Variants in SCHIP1 observed in about 807,000 individuals in gnomAD.
SCHIP1 encodes the protein schwannomin interacting protein 1, also known as schwannomin-interacting protein 1.
A neutral mutation model predicts 29.7 loss-of-function variants in SCHIP1; 8 were observed. The ratio of observed to expected loss-of-function variants is 0.27; its 90% CI spans 0.16 to 0.49. The LOEUF is 0.49. Among genes scored for constraint, SCHIP1 ranks in the 20% least tolerant of loss-of-function variants. The pLI is 0.99. For synonymous variants in SCHIP1, 76 were observed against 94.9 expected (o/e 0.80, Z 1.16); for missense variants, 193 against 294.6 (o/e 0.66, Z 2.52).
At chr3:159,489,799 T>C in the SCHIP1 span, among the ~76,000 whole-genome samples, 10 of 152,126 alleles carry the variant, frequency 6.6e-5, no homozygotes, top group African/African-American at 2.4e-4. Flanking sequence ...ACAGAGCTAA[T>C]AGAAAGAATT....
the SCHIP1 span, among the ~76,000 whole-genome samples, chr3:159,362,132 A>G: frequency 9.9e-5 from 15 of 152,206 alleles, no homozygotes; most frequent in African/African-American, 3.1e-4. Context: ...TAAAAGTACC[A>G]GCTGAAGATA....
chr3:159,287,528 A>G, the SCHIP1 span, among the ~76,000 whole-genome samples: 4 of 151,954 alleles, frequency 2.6e-5, no homozygotes, highest in Non-Finnish European at 4.4e-5. Context: ...TTTTTATATT[A>G]TTATTGGAGA....
the SCHIP1 span, among the ~76,000 whole-genome samples, chr3:159,685,785 C>T: frequency 6.6e-6 from 1 of 152,134 alleles, no homozygotes; most frequent in East Asian, 1.9e-4. Flanking sequence ...TGATGTCCAG[C>T]AATGATGGGC....
chr3:159,723,871 C>G, the SCHIP1 span, among the ~76,000 whole-genome samples: 1 of 152,190 alleles, frequency 6.6e-6, no homozygotes, highest in Non-Finnish European at 1.5e-5. Context: ...GAACCTTGAC[C>G]AAAACACTGT....
the SCHIP1 span, among the ~76,000 whole-genome samples, chr3:159,638,436 G>A: frequency 6.6e-6 from 1 of 152,114 alleles, no homozygotes; most frequent in Non-Finnish European, 1.5e-5. Context: ...CCCCTAAGTG[G>A]AGCACATTAG....
the SCHIP1 span, among the ~76,000 whole-genome samples, chr3:159,468,094 G>C: frequency 6.6e-6 from 1 of 152,054 alleles, no homozygotes; most frequent in Non-Finnish European, 1.5e-5. Context: ...ATTTGTCAAA[G>C]TCTATATTAT....
chr3:159,691,698 T>C, the SCHIP1 span, among the ~76,000 whole-genome samples: 1 of 152,182 alleles, frequency 6.6e-6, no homozygotes, highest in African/African-American at 2.4e-5. Flanking sequence ...ATAGTGTCAA[T>C]GGTCTTTACA....
At chr3:159,327,764 C>T in the SCHIP1 span, among the ~76,000 whole-genome samples, 1 of 152,088 alleles carries the variant, frequency 6.6e-6, no homozygotes, top group Non-Finnish European at 1.5e-5. Flanking sequence ...GAAATGCAGT[C>T]CCATTTTATA....
chr3:159,411,257 T>C, the SCHIP1 span, among the ~76,000 whole-genome samples: 1 of 152,134 alleles, frequency 6.6e-6, no homozygotes, highest in Non-Finnish European at 1.5e-5. Flanking sequence ...TTGTTGGACA[T>C]TTAAAAATAA....
chr3:159,767,722 C>T, the SCHIP1 span, among the ~76,000 whole-genome samples: 1 of 152,134 alleles, frequency 6.6e-6, no homozygotes, highest in Non-Finnish European at 1.5e-5. Context: ...TCATTCCAGA[C>T]TCAGTTCAAC....
chr3:159,478,990 A>G, the SCHIP1 span, among the ~76,000 whole-genome samples: 4 of 152,152 alleles, frequency 2.6e-5, no homozygotes, highest in South Asian at 8.3e-4. Context: ...ATATAAAATC[A>G]TGTCATCAGC....
At chr3:159,481,517 T>C in the SCHIP1 span, among the ~76,000 whole-genome samples, 1 of 151,990 alleles carries the variant, frequency 6.6e-6, no homozygotes, top group South Asian at 2.1e-4. Flanking sequence ...GGACTTACAC[T>C]AAAAAAAAGT....
the SCHIP1 span, among the ~76,000 whole-genome samples, chr3:159,572,858 T>C: frequency 1.3e-5 from 2 of 152,230 alleles, no homozygotes. Context: ...CCTTTACCAT[T>C]ATGTAATGGC....
intron 1 of SCHIP1, among the ~76,000 whole-genome samples, chr3:159,856,170 T>G (rs1324779555): frequency 6.6e-6 from 1 of 152,180 alleles, no homozygotes; most frequent in Non-Finnish European, 1.5e-5. Context: ...CAACGTGGTA[T>G]GCAGCATCTA....
chr3:159,886,357 G>A (rs375726682), intron 3 of SCHIP1, 33 bp downstream of exon 4: 25 of 1,597,740 alleles, frequency 1.6e-5, no homozygotes, highest in Middle Eastern at 3.5e-4. Context: ...GAAGCTCGGT[G>A]TTGTGATTTC....
At chr3:159,646,750 T>C in the SCHIP1 span, among the ~76,000 whole-genome samples, 1 of 152,086 alleles carries the variant, frequency 6.6e-6, no homozygotes, top group Non-Finnish European at 1.5e-5. Context: ...GGGTGGCACA[T>C]AGGCTCCCAG....
chr3:159,412,124 T>G, the SCHIP1 span, among the ~76,000 whole-genome samples: 29 of 152,222 alleles, frequency 1.9e-4, no homozygotes, highest in African/African-American at 7.0e-4. Context: ...ATACCCAGTT[T>G]ACAGCTGAGA....
the SCHIP1 span, among the ~76,000 whole-genome samples, chr3:159,637,765 T>C: frequency 4.6e-5 from 7 of 152,298 alleles, 1 homozygote; most frequent in East Asian, 3.9e-4. Context: ...ATAAAACATA[T>C]ATGGAAAAAT....
the SCHIP1 span, among the ~76,000 whole-genome samples, chr3:159,787,537 T>C: frequency 2.6e-5 from 4 of 152,224 alleles, no homozygotes. Flanking sequence ...TATTCTGTGT[T>C]TGAAACCTCC....
Sources: allele counts gnomAD v4.1 joint callset (sites outside exome capture counted in the v4.1 genomes callset), GRCh38; gene constraint gnomAD v4.1.1; transcripts MANE v1.5; gene names NCBI Gene and HGNC (gene_info 2026-07-23, HGNC 2026-07-21).